Variants in SINHCAF observed in about 807,000 individuals in gnomAD.
SINHCAF encodes the protein SIN3-HDAC complex-associated factor.
SINHCAF carries 3 observed loss-of-function variants against 25.8 expected under a neutral mutation model. That is an observed-to-expected ratio of 0.12 (90% CI 0.05 to 0.30). SINHCAF has a LOEUF of 0.30. SINHCAF is among the 10% of genes least tolerant of loss of function. The probability of loss-of-function intolerance (pLI) is 1.00; values close to 1 mark genes in which losing one functional copy is unlikely to be tolerated. For synonymous variants in SINHCAF, 70 were observed against 85.5 expected, an observed-to-expected ratio of 0.82 and a Z score of 1.00; for missense variants, 121 against 262.3, an observed-to-expected ratio of 0.46 and a Z score of 3.72.
At chr12:31,287,902 T>C in intron 4 of SINHCAF, 118 bp from the exon 5 acceptor site, 2 of 662,494 alleles carry the variant, frequency 3.0e-6, no homozygotes, top group South Asian at 3.2e-5. Flanking sequence ...TAAAAAATAA[T>C]TCATTTTCTA....
At chr12:31,299,611 C>T (rs1342693864) in intron 1 of SINHCAF, among the ~76,000 whole-genome samples, 2 of 152,116 alleles carry the variant, frequency 1.3e-5, no homozygotes, top group Non-Finnish European at 2.9e-5. Context: ...CCACCGTGCC[C>T]GGCCAAGAAA....
rs550760492 is a variant in SINHCAF, at chr12:31,320,474, A to G, written c.-21+5550T>C. Among the ~76,000 whole-genome samples, 24 of 152,322 alleles carry G rather than the reference A, an allele frequency of 1.6e-4. 1 individual carries two copies. Among genetic ancestry groups the G allele is most frequent in the African/African-American group, 5.8e-4 (24 of 41,566 alleles). On this transcript the variant is annotated intron_variant, in intron 1 of 5. Coordinates refer to ENST00000337682, the MANE Select transcript of SINHCAF (RefSeq NM_001135812.2). The stretch of plus-strand genomic sequence containing the variant: ...TGCATTATCTCCTCTACTCAATAGT[A>G]AACCGCTGTAGAGCAGAAACTAAGT...
chr12:31,324,968 C>T lies in SINHCAF; in HGVS notation c.-21+1056G>A, dbSNP rs752220859. On this transcript the variant is annotated intron_variant, in intron 1 of 5. Transcript: ENST00000337682. The surrounding 1 kb of genome is among the most constrained non-coding windows in gnomAD (Gnocchi z 5.5). ...TGTCCTGCCGGCCGGACCTGCCCGA[C>T]GGCGGCCGCATCCCACGGCTCACGC... The T allele has an allele frequency of 2.2e-6, 1 of 456,586 alleles. No homozygotes were observed. Among genetic ancestry groups the T allele is most frequent in the Non-Finnish European group, 4.4e-6 (1 of 226,874 alleles). 28.3% of individuals were successfully genotyped at this position (456,586 alleles called of 1,614,324 possible).
chr12:31,320,396 C>T (rs11051386), intron 1 of SINHCAF, among the ~76,000 whole-genome samples: 2,095 of 152,316 alleles, frequency 0.014, 52 homozygotes, highest in African/African-American at 0.046. Flanking sequence ...TTACAAAACC[C>T]TTCCATACCT....
intron 1 of SINHCAF, chr12:31,303,327 C>T (rs941247790): frequency 4.6e-5 from 32 of 689,076 alleles, no homozygotes; most frequent in African/African-American, 2.1e-4. Context: ...GGCTCATTCC[C>T]AGGAAGTCAT....
Position 31,309,664 on chromosome 12 carries a change from A to ATT in SINHCAF, c.-20-11442_-20-11441dup, listed in dbSNP as rs869251301. Among the ~76,000 whole-genome samples the ATT allele has an allele frequency of 1.4e-3, 177 of 128,730 alleles. 3 individuals are homozygous for ATT. The highest frequency in any genetic ancestry group is 1.6e-3 in the Non-Finnish European group (100 of 61,326). The allele number at this position is 128,730 out of a possible 152,430, so 84.5% of individuals were successfully genotyped here. On this transcript the variant is annotated intron_variant, in intron 1 of 5. Coordinates refer to ENST00000337682, the MANE Select transcript of SINHCAF (RefSeq NM_001135812.2). ...TTTACACCACTAACATCAACTTGTG[A>ATT]TTTTTTTTTTTTTTTTTTTGAGACG...
chr12:31,315,019 G>C (rs1426875820), intron 1 of SINHCAF, among the ~76,000 whole-genome samples: 1 of 152,226 alleles, frequency 6.6e-6, no homozygotes, highest in Non-Finnish European at 1.5e-5. Flanking sequence ...TAAGTCAGGA[G>C]GTGTTCTGAA....
At chr12:31,297,379 C>G (rs759835924) in intron 2 of SINHCAF, among the ~76,000 whole-genome samples, 1 of 151,844 alleles carries the variant, frequency 6.6e-6, no homozygotes, top group Non-Finnish European at 1.5e-5. Flanking sequence ...AGGCTGGTTT[C>G]AAGCTCCTGG....
At chr12:31,319,501 T>A (rs1939619316) in intron 1 of SINHCAF, among the ~76,000 whole-genome samples, 1 of 152,198 alleles carries the variant, frequency 6.6e-6, no homozygotes, top group South Asian at 2.1e-4. Context: ...AACTCCAGTT[T>A]AGGCAACAAG....
chr12:31,322,787 CAT>C (rs1396974529), intron 1 of SINHCAF, among the ~76,000 whole-genome samples: 4 of 152,154 alleles, frequency 2.6e-5, no homozygotes, highest in African/African-American at 9.7e-5. Flanking sequence ...AGGCCTTACA[CAT>C]GATTCAAATG....
chr12:31,284,101 C>T (rs554115801), intron 5 of SINHCAF, among the ~76,000 whole-genome samples: 23 of 152,200 alleles, frequency 1.5e-4, no homozygotes, highest in Middle Eastern at 6.8e-3. Flanking sequence ...GGAATGGGAA[C>T]GTCTTCAACT....
chr12:31,322,018 G>T (rs894744956), intron 1 of SINHCAF, among the ~76,000 whole-genome samples: 10 of 151,922 alleles, frequency 6.6e-5, no homozygotes, highest in African/African-American at 1.9e-4. Context: ...GACCATTCAG[G>T]TTCCAGATAT....
At chr12:31,288,942 T>C (rs980851101) in intron 4 of SINHCAF, among the ~76,000 whole-genome samples, 6 of 151,602 alleles carry the variant, frequency 4.0e-5, no homozygotes, top group Admixed American at 1.3e-4. Flanking sequence ...GGCAAAGAAA[T>C]AGGAAGCCTC....
intron 4 of SINHCAF, among the ~76,000 whole-genome samples, chr12:31,292,098 T>C (rs1449599239): frequency 6.6e-6 from 1 of 152,216 alleles, no homozygotes; most frequent in African/African-American, 2.4e-5. Flanking sequence ...AAGTGAGATA[T>C]CACTTTCTCT....
chr12:31,324,630 G>A lies in SINHCAF; in HGVS notation c.-21+1394C>T, dbSNP rs1211733261. 1.5e-5 allele frequency: 4 copies of A among 258,118 alleles called. No individual in the cohort carries two copies. Among genetic ancestry groups the A allele is most frequent in the South Asian group, 7.3e-5 (2 of 27,584 alleles). The allele number at this position is 258,118 out of a possible 1,614,324, so 16.0% of individuals were successfully genotyped here. ...CAGGCGGCGGCCCCGAGCGCCGGGG[G>A]CCCGCACGGGCACATGCAGCCCTTT... On this transcript the variant is annotated intron_variant, in intron 1 of 5. Coordinates refer to ENST00000337682, the MANE Select transcript of SINHCAF (RefSeq NM_001135812.2). This position sits in a 1 kb window ranked among gnomAD's most constrained non-coding sequence, Gnocchi z 5.5.
At chr12:31,286,135 G>A (rs1368672671) in intron 5 of SINHCAF, among the ~76,000 whole-genome samples, 1 of 152,144 alleles carries the variant, frequency 6.6e-6, no homozygotes, top group Non-Finnish European at 1.5e-5. Flanking sequence ...AATAGAAATG[G>A]TGATAGTCAA....
At chr12:31,289,671 C>T (rs1938222916) in intron 4 of SINHCAF, among the ~76,000 whole-genome samples, 1 of 152,200 alleles carries the variant, frequency 6.6e-6, no homozygotes, top group African/African-American at 2.4e-5. Context: ...ACACCTTGCC[C>T]ATCCCAGGAC....
At chr12:31,283,602 CA>C (rs1173725014) in intron 5 of SINHCAF, among the ~76,000 whole-genome samples, 1 of 137,850 alleles carries the variant, frequency 7.3e-6, no homozygotes, top group Non-Finnish European at 1.6e-5. Flanking sequence ...AACTCTGTCT[CA>C]AAAAAAAACA....
chr12:31,290,859 A>C (rs1001237413), intron 4 of SINHCAF, among the ~76,000 whole-genome samples: 3 of 152,186 alleles, frequency 2.0e-5, no homozygotes, highest in Non-Finnish European at 4.4e-5. Context: ...AGCTGGGATT[A>C]CAGGCATGCA....
Sources: allele counts gnomAD v4.1 joint callset (sites outside exome capture counted in the v4.1 genomes callset), GRCh38; gene constraint gnomAD v4.1.1; non-coding constraint Gnocchi (gnomAD v3.1); transcripts MANE v1.5; gene names NCBI Gene and HGNC (gene_info 2026-07-23, HGNC 2026-07-21).